KCNB2: variants seen among roughly 807,000 people sequenced by gnomAD.
KCNB2 encodes the protein potassium voltage-gated channel subfamily B member 2.
Under a neutral mutation model 61.5 loss-of-function variants are expected in KCNB2, and 15 were observed. That is an observed-to-expected ratio of 0.24 (90% CI 0.16 to 0.38). The LOEUF is 0.38. Among genes scored for constraint, KCNB2 ranks in the 10% least tolerant of loss-of-function variants. KCNB2 has a pLI of 1.00. For synonymous variants in KCNB2, 457 were observed against 446.0 expected (o/e 1.02, Z -0.31); for missense variants, 828 against 1,125.2 (o/e 0.74, Z 3.78).
intron 2 of KCNB2, among the ~76,000 whole-genome samples, chr8:72,636,284 A>T (rs547423531): frequency 5.3e-5 from 8 of 152,302 alleles, no homozygotes; most frequent in African/African-American, 1.9e-4. Context: ...ATCGTCGCTC[A>T]GGGACAGATG....
chr8:72,539,795 A>C (rs1460570818), intron 1 of KCNB2, among the ~76,000 whole-genome samples: 1 of 152,210 alleles, frequency 6.6e-6, no homozygotes, highest in Non-Finnish European at 1.5e-5. Flanking sequence ...CTTTCCAAGC[A>C]TACATATTTA....
chr8:72,825,893 A>G (rs2033916), intron 2 of KCNB2, among the ~76,000 whole-genome samples: 11,619 of 152,052 alleles, frequency 0.076, 1,083 homozygotes, highest in East Asian at 0.5. Context: ...TAAGCTTTTA[A>G]TTTTGATATA....
chr8:72,736,064 T>C (rs954114827), intron 2 of KCNB2, among the ~76,000 whole-genome samples: 10 of 152,132 alleles, frequency 6.6e-5, no homozygotes, highest in African/African-American at 2.4e-4. Context: ...AAAACTGAAA[T>C]ATTTCTCAAG....
At chr8:72,805,801 G>C (rs1441191548) in intron 2 of KCNB2, among the ~76,000 whole-genome samples, 1 of 152,116 alleles carries the variant, frequency 6.6e-6, no homozygotes, top group Non-Finnish European at 1.5e-5. Context: ...TCTGTAGTTT[G>C]TTGGCATAAA....
At chr8:72,606,795 T>A (rs1167819565) in intron 2 of KCNB2, among the ~76,000 whole-genome samples, 4 of 152,116 alleles carry the variant, frequency 2.6e-5, no homozygotes, top group Admixed American at 2.6e-4. Flanking sequence ...GGAGATGAGG[T>A]CTGCTTGCTG....
intron 2 of KCNB2, among the ~76,000 whole-genome samples, chr8:72,848,027 G>C (rs1485027473): frequency 3.3e-5 from 5 of 152,154 alleles, no homozygotes; most frequent in Non-Finnish European, 7.3e-5. Flanking sequence ...ATTGCATAAA[G>C]CTTTCACTTT....
chr8:72,930,068 C>T (rs964631678), intron 2 of KCNB2, among the ~76,000 whole-genome samples: 2 of 151,212 alleles, frequency 1.3e-5, no homozygotes, highest in South Asian at 2.1e-4. Context: ...TTTGTCCTTA[C>T]AATAGTTTGC....
intron 2 of KCNB2, among the ~76,000 whole-genome samples, chr8:72,915,747 G>A (rs1035633001): frequency 4.6e-5 from 7 of 152,108 alleles, no homozygotes; most frequent in South Asian, 4.2e-4. Flanking sequence ...GTGAAACCCC[G>A]TCTCTCTTAA....
chr8:72,565,915 T>C (rs529649504), intron 1 of KCNB2, among the ~76,000 whole-genome samples: 4 of 152,302 alleles, frequency 2.6e-5, no homozygotes, highest in African/African-American at 9.6e-5. Context: ...AAGATGTTCT[T>C]TGTCCTCAAG....
At chr8:72,748,155 T>TA (rs1446678139) in intron 2 of KCNB2, among the ~76,000 whole-genome samples, 1 of 152,234 alleles carries the variant, frequency 6.6e-6, no homozygotes, top group Non-Finnish European at 1.5e-5. Flanking sequence ...GGACATGGAT[T>TA]ATCTTAATTT....
At chr8:72,566,166 A>C (rs1160787205) in intron 1 of KCNB2, among the ~76,000 whole-genome samples, 1 of 152,186 alleles carries the variant, frequency 6.6e-6, no homozygotes, top group Non-Finnish European at 1.5e-5. Flanking sequence ...TATAATGATG[A>C]GGGAAAGATG....
rs557357122 is a variant in KCNB2, at chr8:72,555,211, G to C, written c.-93-12431G>C. 3.3e-5 allele frequency among the ~76,000 whole-genome samples: 5 copies of C among 151,988 alleles called. No homozygotes were observed. The South Asian group carries it at 1.0e-3, about 32-fold the overall frequency. On this transcript the variant is annotated intron_variant, in intron 1 of 2. Transcript: ENST00000523207. The stretch of plus-strand genomic sequence containing the variant: ...AAGATAATAATACCCATCCCAAGGA[G>C]GGATGAGAAATAATGAGAATTCTCA...
intron 2 of KCNB2, among the ~76,000 whole-genome samples, chr8:72,774,914 G>A (rs933959142): frequency 2.0e-5 from 3 of 152,038 alleles, no homozygotes; most frequent in Non-Finnish European, 4.4e-5. Flanking sequence ...GAGACAGACA[G>A]CAACCCAACC....
rs147354288 is a variant in KCNB2 at position 72,765,479 on chromosome 8, A to G, written c.580-170456A>G. 7.1e-4 allele frequency among the ~76,000 whole-genome samples: 108 copies of G among 152,328 alleles called. No individual in the cohort carries two copies. The East Asian group carries it at 0.02, about 29-fold the overall frequency. On this transcript the variant is annotated intron_variant, in intron 2 of 2. Coordinates refer to ENST00000523207, the MANE Select transcript of KCNB2 (RefSeq NM_004770.3). ...CCCAAACCACAGTGAGTGTAGTCAT[A>G]TCCAAATCTTTATCTCTGAGAGGCT... is the stretch of plus-strand genomic sequence containing the variant.
At chr8:72,605,237 A>G (rs1470212090) in intron 2 of KCNB2, among the ~76,000 whole-genome samples, 1 of 152,212 alleles carries the variant, frequency 6.6e-6, no homozygotes, top group African/African-American at 2.4e-5. Flanking sequence ...CAAGCCTGAC[A>G]CAGCACAGCT....
At chr8:72,803,756 T>A (rs1465085036) in intron 2 of KCNB2, among the ~76,000 whole-genome samples, 1 of 152,138 alleles carries the variant, frequency 6.6e-6, no homozygotes, top group East Asian at 1.9e-4. Context: ...TGAAGAGATG[T>A]CTGGCAAGGG....
intron 2 of KCNB2, among the ~76,000 whole-genome samples, chr8:72,794,517 A>T (rs1808996754): frequency 6.9e-6 from 1 of 145,152 alleles, no homozygotes; most frequent in African/African-American, 2.6e-5. Context: ...GTGAGCTGAG[A>T]TCGCGCCACT....
intron 2 of KCNB2, among the ~76,000 whole-genome samples, chr8:72,607,819 A>T (rs1221042087): frequency 6.6e-6 from 1 of 152,212 alleles, no homozygotes; most frequent in Non-Finnish European, 1.5e-5. Flanking sequence ...AATATAAAAC[A>T]CTAGAAATAA....
At chr8:72,706,908 C>T (rs544056722) in intron 2 of KCNB2, among the ~76,000 whole-genome samples, 5 of 152,334 alleles carry the variant, frequency 3.3e-5, no homozygotes, top group Non-Finnish European at 7.3e-5. Flanking sequence ...GTTTGTGCTG[C>T]TCATTGCCTG....
Sources: gnomAD v4.1 joint callset for allele counts (sites outside exome capture counted in the v4.1 genomes callset) on GRCh38, gnomAD v4.1.1 for gene constraint, MANE v1.5 for transcripts, NCBI Gene and HGNC (gene_info 2026-07-23, HGNC 2026-07-21) for gene names.